NUDT7: variants seen among roughly 807,000 people sequenced by gnomAD.
NUDT7 encodes peroxisomal coenzyme A diphosphatase NUDT7.
In NUDT7, 19 loss-of-function variants were observed where a neutral mutation model predicts 13.1. The ratio of observed to expected loss-of-function variants is 1.45; its 90% CI spans 1.01 to 2.13. The LOEUF is 2.13. Among genes scored for constraint, NUDT7 ranks in the 30% most tolerant of loss-of-function variants. The probability of loss-of-function intolerance (pLI) is 0.00; values close to 1 mark genes in which losing one functional copy is unlikely to be tolerated. For missense variants in NUDT7, 360 were observed against 291.7 expected (o/e 1.23, Z -1.71); for synonymous variants, 132 against 109.7 (o/e 1.20, Z -1.27).
At chr16:77,729,542 A>G (rs914580760) in intron 2 of NUDT7, among the ~76,000 whole-genome samples, 1 of 152,164 alleles carries the variant, frequency 6.6e-6, no homozygotes, top group Non-Finnish European at 1.5e-5. Flanking sequence ...TTAAAAAAAA[A>G]TTTAGGCCAG....
At chr16:77,731,284 C>G (rs1351983684) in intron 2 of NUDT7, among the ~76,000 whole-genome samples, 1 of 152,122 alleles carries the variant, frequency 6.6e-6, no homozygotes, top group East Asian at 1.9e-4. Flanking sequence ...CTATGAGATA[C>G]TTTTGAAACC....
In NUDT7 at chr16:77,735,915, G is replaced by A; in HGVS notation, c.277G>A (p.Ala93Thr). 1 of 1,613,814 alleles carries A rather than the reference G, an allele frequency of 6.2e-7. No individual in the cohort carries two copies. Among genetic ancestry groups the A allele is most frequent in the Non-Finnish European group, 8.5e-7 (1 of 1,179,744 alleles). ...TGATGCAGCCACAGCTCTCCGGGAA[G>A]CCCAGGAGGAAGTGGGTCTCCGTCC... ...MDDAATALRE[A>T]QEEVGLRPHQ... The change falls in exon 3 of 4, where the codon GCC (alanine) becomes ACC (threonine). Residue 93 changes from alanine to threonine, a missense_variant. Physicochemically the swap from Ala to Thr is moderately conservative, Grantham distance 58. Transcript: ENST00000268533.
At position 77,735,982 on chromosome 16, in the gene NUDT7, T is replaced by C. The variant is rs777909077; in HGVS notation, c.344T>C (p.Ile115Thr). ...EVVCCLVPCLIDTDTLITPFV... is the reference protein window; with the variant it reads ...EVVCCLVPCLTDTDTLITPFV... The stretch of plus-strand genomic sequence containing the variant: ...GTCTGCTGCCTGGTGCCATGTCTTA[T>C]TGATGTAAGGGTTTCCTGAGACACT... The change falls in exon 3 of 4, where the codon ATT (isoleucine) becomes ACT (threonine). Residue 115 changes from isoleucine to threonine, a missense_variant. Coordinates refer to ENST00000268533, the MANE Select transcript of NUDT7 (RefSeq NM_001105663.3). The C allele has an allele frequency of 1.1e-5, 18 of 1,613,956 alleles. No homozygotes were observed. The highest frequency in any genetic ancestry group is 4.4e-5 in the South Asian group (4 of 91,078).
In NUDT7 at chr16:77,735,910, G is replaced by A. The variant is rs768311455; in HGVS notation, c.272G>A (p.Arg91Gln). The change falls in exon 3 of 4, where the codon CGG becomes CAG. Residue 91 changes from arginine to glutamine, a missense_variant. By Grantham distance (43) the Arg-to-Gln change is conservative (BLOSUM62 1). Transcript: ENST00000268533. The stretch of plus-strand genomic sequence containing the variant: ...ATGGATGATGCAGCCACAGCTCTCC[G>A]GGAAGCCCAGGAGGAAGTGGGTCTC... Reference protein sequence around the residue: ...TDMDDAATALREAQEEVGLRP... With the variant: ...TDMDDAATALQEAQEEVGLRP... The A allele has an allele frequency of 7.1e-5, 114 of 1,613,636 alleles. No homozygotes were observed. The Middle Eastern group carries it at 8.2e-4, about 12-fold the overall frequency.
At chr16:77,727,872 A>T (rs1357370597) in intron 2 of NUDT7, among the ~76,000 whole-genome samples, 1 of 130,136 alleles carries the variant, frequency 7.7e-6, no homozygotes, top group Non-Finnish European at 1.6e-5. Flanking sequence ...TGAATAAATA[A>T]ATAAAAATAA....
chr16:77,740,484 G>A (rs983246598), intron 3 of NUDT7, among the ~76,000 whole-genome samples: 2 of 152,078 alleles, frequency 1.3e-5, no homozygotes, highest in Non-Finnish European at 2.9e-5. Flanking sequence ...AGGGTTTCCA[G>A]TATAACAAAA....
intron 2 of NUDT7, among the ~76,000 whole-genome samples, chr16:77,733,113 G>A (rs556421591): frequency 1.3e-5 from 2 of 152,052 alleles, no homozygotes; most frequent in Admixed American, 6.5e-5. Context: ...CAGCACAGAA[G>A]GACTTAAAAA....
chr16:77,739,583 T>G (rs906941966), intron 3 of NUDT7, among the ~76,000 whole-genome samples: 8 of 152,174 alleles, frequency 5.3e-5, no homozygotes, highest in Non-Finnish European at 1.2e-4. Context: ...CTGTAAGGTC[T>G]TTATGACTTG....
Position 77,722,740 on chromosome 16 carries a change from G to A in NUDT7, c.35+123G>A, listed in dbSNP as rs2013998376. 31 of 897,554 alleles carry A rather than the reference G, an allele frequency of 3.5e-5. 3 individuals are homozygous for A. In the South Asian group the frequency reaches 4.1e-4, roughly 12 times the overall value. The allele number at this position is 897,554 out of a possible 1,614,324, so 55.6% of individuals were successfully genotyped here. A position where few individuals can be genotyped will look rare whatever the true frequency, so the allele number is the denominator to read the frequency against. On this transcript the variant is annotated intron_variant, in intron 1 of 3. Transcript: ENST00000268533. ...AGCTCCCGCCAGTCCACCTGCGAGC[G>A]CCGGATGGGGGAGCACTCGCCTCCA...
Position 77,722,548 on chromosome 16 carries a change from A to C in NUDT7, c.-35A>C. 1.9e-6 allele frequency: 3 copies of C among 1,565,794 alleles called. No individual in the cohort carries two copies. Among genetic ancestry groups the C allele is most frequent in the Non-Finnish European group, 2.6e-6 (3 of 1,153,886 alleles). On this transcript the variant is annotated 5_prime_UTR_variant, in exon 1 of 4. Coordinates refer to ENST00000268533, the MANE Select transcript of NUDT7 (RefSeq NM_001105663.3). ...AAGCGCGACCGACCGAGCAGCTCCG[A>C]GGAGTCCGCCCGGAAACAAACATTC...
chr16:77,733,291 G>T (rs770679689), intron 2 of NUDT7, among the ~76,000 whole-genome samples: 23 of 152,190 alleles, frequency 1.5e-4, no homozygotes, highest in Non-Finnish European at 2.6e-4. Flanking sequence ...GGAAGTCCAA[G>T]ATCAAGCTGC....
At chr16:77,725,686 G>C (rs2014113836) in intron 2 of NUDT7, 102 bp downstream of exon 2, 1 of 1,091,328 alleles carries the variant, frequency 9.2e-7, no homozygotes, top group African/African-American at 1.6e-5. Context: ...TTCTCAAAAG[G>C]GCTTTCAAAA....
At chr16:77,741,334 C>A (rs1419107558) in intron 3 of NUDT7, 4 of 383,636 alleles carry the variant, frequency 1.0e-5, no homozygotes, top group African/African-American at 6.1e-5. Context: ...AATTGCCATT[C>A]CAAAAGATTG....
At position 77,735,900 on chromosome 16, in the gene NUDT7, A is replaced by G. The variant is rs779728283; in HGVS notation, c.262A>G (p.Thr88Ala). 1 of 1,614,060 alleles carries G rather than the reference A, an allele frequency of 6.2e-7. No homozygotes were observed. The highest frequency in any genetic ancestry group is 8.5e-7 in the Non-Finnish European group (1 of 1,179,964). ...RDPTDMDDAATALREAQEEVG... is the reference protein window; with the variant it reads ...RDPTDMDDAAAALREAQEEVG... Reference sequence around the variant, plus strand: ...CCCTACAGACATGGATGATGCAGCCACAGCTCTCCGGGAAGCCCAGGAGGA... The same window carrying G: ...CCCTACAGACATGGATGATGCAGCCGCAGCTCTCCGGGAAGCCCAGGAGGA... The change falls in exon 3 of 4, where the codon ACA becomes GCA. Residue 88 changes from threonine to alanine, a missense_variant. Physicochemically the swap from Thr to Ala is moderately conservative, Grantham distance 58 (BLOSUM62 0). Transcript: ENST00000268533.
intron 2 of NUDT7, among the ~76,000 whole-genome samples, chr16:77,732,319 C>G (rs986181029): frequency 6.9e-6 from 1 of 145,444 alleles, no homozygotes; most frequent in East Asian, 2.0e-4. Context: ...CAGACGAGAA[C>G]ACGTCTCAAA....
At chr16:77,726,170 A>G (rs1468977488) in intron 2 of NUDT7, among the ~76,000 whole-genome samples, 1 of 152,216 alleles carries the variant, frequency 6.6e-6, no homozygotes. Context: ...CGTTGAATCC[A>G]GGCTCTCTCC....
intron 3 of NUDT7, among the ~76,000 whole-genome samples, chr16:77,738,618 A>T (rs1334343116): frequency 6.6e-6 from 1 of 152,124 alleles, no homozygotes; most frequent in African/African-American, 2.4e-5. Flanking sequence ...GGCTTTTCTC[A>T]AGTGATCTCG....
At chr16:77,730,145 A>C (rs1450221774) in intron 2 of NUDT7, among the ~76,000 whole-genome samples, 1 of 152,224 alleles carries the variant, frequency 6.6e-6, no homozygotes, top group Non-Finnish European at 1.5e-5. Context: ...CACTAAGAAC[A>C]CTTTATATCC....
chr16:77,722,689 G>C, intron 1 of NUDT7, 72 bp downstream of exon 1: 1 of 1,444,636 alleles, frequency 6.9e-7, no homozygotes, highest in Non-Finnish European at 9.5e-7. Flanking sequence ...AGGCCACCGG[G>C]GCCTTTTGGC....
Sources: gnomAD v4.1 joint callset for allele counts (sites outside exome capture counted in the v4.1 genomes callset) on GRCh38, gnomAD v4.1.1 for gene constraint, MANE v1.5 for transcripts, NCBI Gene and HGNC (gene_info 2026-07-23, HGNC 2026-07-21) for gene names.